The following TMEM178B variants were observed in gnomAD, a reference collection of about 807,000 sequenced individuals.
TMEM178B encodes transmembrane protein 178B.
Under a neutral mutation model 31.0 loss-of-function variants are expected in TMEM178B, and 5 were observed. That is an observed-to-expected ratio of 0.16 (90% CI 0.08 to 0.34). The LOEUF is 0.34. Among genes scored for constraint, TMEM178B ranks in the 10% least tolerant of loss-of-function variants. The pLI, the probability that TMEM178B is intolerant of heterozygous loss-of-function variation, is 1.00. For synonymous variants in TMEM178B, 164 were observed against 164.0 expected (o/e 1.00, Z 0.00); for missense variants, 275 against 400.3 (o/e 0.69, Z 2.67).
intron 1 of TMEM178B, among the ~76,000 whole-genome samples, chr7:141,084,647 C>T (rs1794747855): frequency 1.3e-5 from 2 of 152,074 alleles, no homozygotes; most frequent in South Asian, 4.1e-4. Flanking sequence ...GGAATCTCAG[C>T]CTCCCTTAAA....
intron 2 of TMEM178B, among the ~76,000 whole-genome samples, chr7:141,342,193 T>C (rs1290675602): frequency 1.3e-5 from 2 of 152,118 alleles, no homozygotes; most frequent in Non-Finnish European, 2.9e-5. Flanking sequence ...GGTGGTCTGC[T>C]TGCCTCTGCC....
At chr7:141,166,066 C>T (rs1796255526) in intron 1 of TMEM178B, among the ~76,000 whole-genome samples, 1 of 152,158 alleles carries the variant, frequency 6.6e-6, no homozygotes, top group African/African-American at 2.4e-5. Context: ...GGTGCTGTTC[C>T]TGAGGAAGAA....
At chr7:141,165,513 G>A (rs1417640302) in intron 1 of TMEM178B, among the ~76,000 whole-genome samples, 1 of 152,150 alleles carries the variant, frequency 6.6e-6, no homozygotes, top group African/African-American at 2.4e-5. Flanking sequence ...TGGTTAAGGT[G>A]GTGATTGCCA....
chr7:141,162,716 T>G (rs1389616569), intron 1 of TMEM178B, among the ~76,000 whole-genome samples: 3 of 152,236 alleles, frequency 2.0e-5, no homozygotes, highest in African/African-American at 7.2e-5. Context: ...TATAAATGGT[T>G]TTTAAATCAT....
At chr7:141,237,965 A>T (rs1797555962) in intron 2 of TMEM178B, among the ~76,000 whole-genome samples, 1 of 151,094 alleles carries the variant, frequency 6.6e-6, no homozygotes, top group Non-Finnish European at 1.5e-5. Flanking sequence ...CTGAGGTTGC[A>T]GTGAGCCGAG....
chr7:141,118,842 A>T (rs1031814072), intron 1 of TMEM178B, among the ~76,000 whole-genome samples: 5 of 152,224 alleles, frequency 3.3e-5, no homozygotes, highest in Non-Finnish European at 7.3e-5. Context: ...CAAAACCAAA[A>T]GGGTCTTGTT....
intron 1 of TMEM178B, among the ~76,000 whole-genome samples, chr7:141,197,102 T>C (rs912241799): frequency 6.6e-6 from 1 of 152,224 alleles, no homozygotes; most frequent in African/African-American, 2.4e-5. Context: ...ATATATAATC[T>C]GTGTCCCAAA....
chr7:141,495,844 G>A, the TMEM178B span, among the ~76,000 whole-genome samples: 1 of 152,204 alleles, frequency 6.6e-6, no homozygotes, highest in African/African-American at 2.4e-5. Flanking sequence ...GAGACTAGCA[G>A]TTTCCAGAAG....
chr7:141,274,885 G>A (rs1322814008), intron 2 of TMEM178B, among the ~76,000 whole-genome samples: 1 of 152,160 alleles, frequency 6.6e-6, no homozygotes, highest in Non-Finnish European at 1.5e-5. Context: ...CGCTGCCTGG[G>A]ATGAAACCCA....
intron 2 of TMEM178B, among the ~76,000 whole-genome samples, chr7:141,316,304 T>A (rs1354956811): frequency 6.6e-6 from 1 of 152,186 alleles, no homozygotes; most frequent in Non-Finnish European, 1.5e-5. Context: ...TTGATATTCA[T>A]CAAACCTATA....
chr7:141,248,919 G>A (rs1342499150), intron 2 of TMEM178B, among the ~76,000 whole-genome samples: 1 of 152,192 alleles, frequency 6.6e-6, no homozygotes, highest in African/African-American at 2.4e-5. Flanking sequence ...GTTCTTTGTT[G>A]ATGGATACAC....
intron 1 of TMEM178B, among the ~76,000 whole-genome samples, chr7:141,199,463 T>A (rs6464408): frequency 0.65 from 99,567 of 152,082 alleles, 33,223 homozygotes; most frequent in Middle Eastern, 0.73. Context: ...TTGGGGAAGA[T>A]CTCCATCCGT....
At chr7:141,435,681 A>G (rs1801522881) in intron 2 of TMEM178B, among the ~76,000 whole-genome samples, 1 of 152,202 alleles carries the variant, frequency 6.6e-6, no homozygotes. Flanking sequence ...CGCTGGCCTC[A>G]CAAGCTCCTA....
At chr7:141,451,087 G>C (rs960494563) in intron 3 of TMEM178B, among the ~76,000 whole-genome samples, 1 of 152,170 alleles carries the variant, frequency 6.6e-6, no homozygotes, top group Non-Finnish European at 1.5e-5. Flanking sequence ...ATGTTATTTG[G>C]GGTAGGAAGG....
Position 141,437,612 on chromosome 7 carries a change from GC to G in TMEM178B, c.502del (p.Arg168AlafsTer3). 1 of 1,536,126 alleles carries G rather than the reference GC, an allele frequency of 6.5e-7. No individual in the cohort carries two copies. On this transcript the variant is annotated frameshift_variant, in exon 3 of 4. Transcript: ENST00000565468. LOFTEE classifies it high-confidence loss of function. ...TGCTCGCCTGCTTCCCCACAGACCT[GC>G]GCAGAATGACGGCTGGCTTCATGGG... is the stretch of plus-strand genomic sequence containing the variant. Reference protein sequence around the residue: ...RQDEWHALHLRRMTAGFMGMA... With the variant: ...RQDEWHALHLXRMTAGFMGMA...
intron 2 of TMEM178B, among the ~76,000 whole-genome samples, chr7:141,409,476 A>G (rs1251288098): frequency 1.3e-5 from 2 of 152,182 alleles, no homozygotes; most frequent in African/African-American, 4.8e-5. Context: ...TGAGGATGGC[A>G]GTGAGTTGTG....
intron 2 of TMEM178B, among the ~76,000 whole-genome samples, chr7:141,409,198 C>A (rs947939850): frequency 6.6e-6 from 1 of 152,158 alleles, no homozygotes. Flanking sequence ...CCCCATGTCA[C>A]TATCATGTGA....
At chr7:141,261,325 T>A (rs1241068967) in intron 2 of TMEM178B, among the ~76,000 whole-genome samples, 1 of 151,994 alleles carries the variant, frequency 6.6e-6, no homozygotes, top group Non-Finnish European at 1.5e-5. Flanking sequence ...TTTTTTTTTT[T>A]ATTGTCTCCC....
At chr7:141,349,738 A>G (rs975900426) in intron 2 of TMEM178B, among the ~76,000 whole-genome samples, 4 of 152,330 alleles carry the variant, frequency 2.6e-5, no homozygotes, top group Admixed American at 1.3e-4. Flanking sequence ...GGAAGAAGCT[A>G]TAATAACAGT....
Sources: gnomAD v4.1 joint callset for allele counts (sites outside exome capture counted in the v4.1 genomes callset) on GRCh38, gnomAD v4.1.1 for gene constraint, MANE v1.5 for transcripts, NCBI Gene and HGNC (gene_info 2026-07-23, HGNC 2026-07-21) for gene names.